MRPL42: variants seen among roughly 807,000 people sequenced by gnomAD.
The protein encoded by MRPL42 is large ribosomal subunit protein mL42.
In MRPL42, 17 loss-of-function variants were observed where a neutral mutation model predicts 17.9. That is an observed-to-expected ratio of 0.95 (90% CI 0.65 to 1.42). The LOEUF is 1.42. MRPL42 is among the 40% of genes most tolerant of loss of function. MRPL42 has a pLI of 0.00. For missense variants in MRPL42, 177 were observed against 175.2 expected, an observed-to-expected ratio of 1.01 and a Z score of -0.06; for synonymous variants, 59 against 54.4, an observed-to-expected ratio of 1.08 and a Z score of -0.37.
Position 93,469,262 on chromosome 12 carries a change from A to G in MRPL42, c.-24A>G. The G allele has an allele frequency of 6.3e-7, 1 of 1,583,406 alleles. No homozygotes were observed. The highest frequency in any genetic ancestry group is 8.6e-7 in the Non-Finnish European group (1 of 1,164,500). On this transcript the variant is annotated 5_prime_UTR_variant, in exon 2 of 6. Coordinates refer to ENST00000549982, the MANE Select transcript of MRPL42 (RefSeq NM_014050.4). ...TCTTCAGAACATCTTTTTTCATACCACTTGATAAGCATCTTGAAACACCAT... is the reference window on the plus strand; with the variant it reads ...TCTTCAGAACATCTTTTTTCATACCGCTTGATAAGCATCTTGAAACACCAT...
At chr12:93,476,391 C>G (rs1396093517) in intron 2 of MRPL42, among the ~76,000 whole-genome samples, 4 of 152,204 alleles carry the variant, frequency 2.6e-5, no homozygotes, top group Admixed American at 2.6e-4. Context: ...TGGTCTCGAA[C>G]TCCTTGACCT....
rs1555201490 is a variant in MRPL42 at position 93,485,563 on chromosome 12, A to AAC, written c.220-1934_220-1933insAC. 4.9e-4 allele frequency among the ~76,000 whole-genome samples: 75 copies of AAC among 151,904 alleles called. 1 individual carries two copies. Among genetic ancestry groups the AAC allele is most frequent in the Non-Finnish European group, 7.9e-4 (54 of 67,934 alleles). ...AATAGCGTATGAATGTAAAGAAAAT[A>AAC]TGTTTGAATTGTTTCTTACTGGTTG... On this transcript the variant is annotated intron_variant, in intron 4 of 5. Transcript: ENST00000549982.
At chr12:93,485,995 T>C (rs1436048975) in intron 4 of MRPL42, among the ~76,000 whole-genome samples, 2 of 147,392 alleles carry the variant, frequency 1.4e-5, no homozygotes, top group South Asian at 2.1e-4. Flanking sequence ...TTTTAAATTT[T>C]TTGTAGAGAT....
chr12:93,490,520 A>G (rs142559316), intron 5 of MRPL42, among the ~76,000 whole-genome samples: 113 of 152,320 alleles, frequency 7.4e-4, no homozygotes, highest in African/African-American at 2.6e-3. Context: ...AAATATGCCT[A>G]TGTGTCATCA....
chr12:93,482,658 T>TACTAGTAGAATTCTTATAC (rs1880515514), intron 4 of MRPL42, among the ~76,000 whole-genome samples: 1 of 152,162 alleles, frequency 6.6e-6, no homozygotes, highest in Non-Finnish European at 1.5e-5. Context: ...CATGTTACTA[T>TACTAGTAGAATTCTTATAC]TAGTAGAATA....
At chr12:93,486,617 C>T (rs1183258142) in intron 4 of MRPL42, among the ~76,000 whole-genome samples, 3 of 151,988 alleles carry the variant, frequency 2.0e-5, no homozygotes, top group South Asian at 2.1e-4. Context: ...GGATTACAGG[C>T]GTGAGCCACC....
chr12:93,501,971 G>A lies in MRPL42; in HGVS notation c.*750G>A, dbSNP rs1953603065. 7.4e-6 allele frequency: 1 copy of A among 134,960 alleles called. No homozygotes were observed. Among genetic ancestry groups the A allele is most frequent in the Admixed American group, 7.7e-5 (1 of 12,960 alleles). 8.4% of individuals were successfully genotyped at this position (134,960 alleles called of 1,614,324 possible). On this transcript the variant is annotated 3_prime_UTR_variant, in exon 6 of 6. Coordinates refer to ENST00000549982, the MANE Select transcript of MRPL42 (RefSeq NM_014050.4). ...ATTCTCAAAATAATCCTTTGAAAAG[G>A]GAGTATAATTACATTTTACAGTGAC...
intron 4 of MRPL42, among the ~76,000 whole-genome samples, chr12:93,485,414 T>C (rs1880696438): frequency 6.6e-6 from 1 of 151,780 alleles, no homozygotes; most frequent in Admixed American, 6.6e-5. Context: ...AGTGCTAGGA[T>C]TAACACATGT....
Position 93,509,402 on chromosome 12 carries a change from C to T in MRPL42, c.*8181C>T, listed in dbSNP as rs1335353731. 1.3e-5 allele frequency: 2 copies of T among 151,854 alleles called. No homozygotes were observed. The highest frequency in any genetic ancestry group is 2.9e-5 in the Non-Finnish European group (2 of 67,978). 9.4% of individuals were successfully genotyped at this position (151,854 alleles called of 1,614,324 possible). ...ATAACATTAAGTTTTGATTCAGGTA[C>T]TTGTTGGGCACTCATATCTTTGGTG... On this transcript the variant is annotated 3_prime_UTR_variant, in exon 6 of 6. Transcript: ENST00000549982.
At chr12:93,469,106 C>G (rs554146225) in intron 1 of MRPL42, 86 bp from the exon 2 acceptor site, 3 of 513,244 alleles carry the variant, frequency 5.8e-6, no homozygotes, top group Non-Finnish European at 1.0e-5. Flanking sequence ...GACTTCTAGG[C>G]AGTGATTCTT....
intron 3 of MRPL42, among the ~76,000 whole-genome samples, chr12:93,477,535 CTA>C (rs1156530699): frequency 6.6e-6 from 1 of 152,190 alleles, no homozygotes; most frequent in Admixed American, 6.5e-5. Flanking sequence ...TTTTCTTAAT[CTA>C]TGTTGTTTTT....
chr12:93,471,781 A>G (rs1879922611), intron 2 of MRPL42, among the ~76,000 whole-genome samples: 1 of 152,232 alleles, frequency 6.6e-6, no homozygotes, highest in African/African-American at 2.4e-5. Flanking sequence ...AACCAAAATA[A>G]GTCACAACAA....
chr12:93,502,436 T>A lies in MRPL42; in HGVS notation c.*1215T>A, dbSNP rs896359209. On this transcript the variant is annotated 3_prime_UTR_variant, in exon 6 of 6. Coordinates refer to ENST00000549982, the MANE Select transcript of MRPL42 (RefSeq NM_014050.4). ...TGATACAGTATTTGTAAAATTGATA[T>A]GAAAAATAATTTCTCAAAGTCTATT... is the stretch of plus-strand genomic sequence containing the variant. The A allele has an allele frequency of 6.6e-6, 1 of 152,210 alleles. No individual in the cohort carries two copies. Among genetic ancestry groups the A allele is most frequent in the Non-Finnish European group, 1.5e-5 (1 of 68,020 alleles). 9.4% of individuals were successfully genotyped at this position (152,210 alleles called of 1,614,324 possible).
chr12:93,473,413 T>C (rs1880001634), intron 2 of MRPL42, among the ~76,000 whole-genome samples: 1 of 151,976 alleles, frequency 6.6e-6, no homozygotes, highest in African/African-American at 2.4e-5. Flanking sequence ...AGATGTGTAC[T>C]ACCATGTCTG....
intron 5 of MRPL42, among the ~76,000 whole-genome samples, chr12:93,489,633 G>A (rs538702403): frequency 2.6e-5 from 4 of 152,090 alleles, no homozygotes; most frequent in African/African-American, 4.8e-5. Context: ...TCCCAGGTTC[G>A]AGTGATTCTC....
At position 93,515,349 on chromosome 12, in the gene MRPL42, T is replaced by A. The variant is rs1004903000; in HGVS notation, c.*14128T>A. 1 of 145,316 alleles carries A rather than the reference T, an allele frequency of 6.9e-6. No homozygotes were observed. Among genetic ancestry groups the A allele is most frequent in the Non-Finnish European group, 1.5e-5 (1 of 67,054 alleles). The allele number at this position is 145,316 out of a possible 1,614,324, so 9.0% of individuals were successfully genotyped here. ...GCCAGAGATACATAGGAAGTAAAAA[T>A]TAATAGGCCTTGGCAACTATTTTTT... On this transcript the variant is annotated 3_prime_UTR_variant, in exon 6 of 6. Coordinates refer to ENST00000549982, the MANE Select transcript of MRPL42 (RefSeq NM_014050.4).
At chr12:93,473,962 A>G (rs1880034289) in intron 2 of MRPL42, among the ~76,000 whole-genome samples, 1 of 152,162 alleles carries the variant, frequency 6.6e-6, no homozygotes. Context: ...GGACACAGTA[A>G]TGAACAAGGT....
At chr12:93,470,680 T>A in intron 2 of MRPL42, 1 of 541,794 alleles carries the variant, frequency 1.8e-6, no homozygotes, top group Non-Finnish European at 2.5e-6. Flanking sequence ...ATGTACCCAA[T>A]GTTTACCTCC....
At chr12:93,483,506 A>G (rs1880564198) in intron 4 of MRPL42, among the ~76,000 whole-genome samples, 1 of 152,200 alleles carries the variant, frequency 6.6e-6, no homozygotes, top group Non-Finnish European at 1.5e-5. Flanking sequence ...GTCAATATTT[A>G]TGTATCTAAA....
Sources: allele counts gnomAD v4.1 joint callset (sites outside exome capture counted in the v4.1 genomes callset), GRCh38; gene constraint gnomAD v4.1.1; transcripts MANE v1.5; gene names NCBI Gene and HGNC (gene_info 2026-07-23, HGNC 2026-07-21).